UGT1A8: variants seen among roughly 807,000 people sequenced by gnomAD.
The protein encoded by UGT1A8 is UDP glucuronosyltransferase family 1 member A8, also known as UDP-glucuronosyltransferase 1A8.
A neutral mutation model predicts 45.3 loss-of-function variants in UGT1A8; 39 were observed. That is an observed-to-expected ratio of 0.86 (90% CI 0.67 to 1.12). The LOEUF (loss-of-function observed/expected upper bound fraction) is 1.12. Among genes scored for constraint, UGT1A8 ranks in the 50% most tolerant of loss-of-function variants. The pLI is 0.00. For missense variants in UGT1A8, 719 were observed against 664.9 expected (o/e 1.08, Z -0.90); for synonymous variants, 275 against 249.2 (o/e 1.10, Z -0.97).
At chr2:233,674,885 A>G (rs1396441907) in intron 1 of UGT1A8, among the ~76,000 whole-genome samples, 1 of 152,226 alleles carries the variant, frequency 6.6e-6, no homozygotes, top group African/African-American at 2.4e-5. Context: ...TGGACACTTC[A>G]TATTGCTCCT....
rs1259273318 is a variant in UGT1A8, at chr2:233,667,395, AG to A, written c.855+48834del. Among the ~76,000 whole-genome samples the A allele has an allele frequency of 6.0e-4, 92 of 152,368 alleles. 1 individual carries two copies. Among genetic ancestry groups the A allele is most frequent in the African/African-American group, 2.0e-3 (83 of 41,592 alleles). ...CAAAAATTAATTCAAGATGGATTAA[AG>A]ACTTAAATGTTAGACCTTAAACCAT... is the stretch of plus-strand genomic sequence containing the variant. On this transcript the variant is annotated intron_variant, in intron 1 of 4. Transcript: ENST00000373450.
intron 1 of UGT1A8, among the ~76,000 whole-genome samples, chr2:233,694,833 A>C (rs2075242896): frequency 6.6e-6 from 1 of 152,210 alleles, no homozygotes; most frequent in African/African-American, 2.4e-5. Flanking sequence ...AAAACATAGA[A>C]TGTCAGGATT....
rs146825304 is a variant in UGT1A8, at chr2:233,749,948, G to C, written c.856-17086G>C. On this transcript the variant is annotated intron_variant, in intron 1 of 4. Transcript: ENST00000373450. ...AAAGCTCTTTCCTTTATGAATTACC[G>C]AGTCTTGGGTATGTCTTTATAGCAG... 4.8e-3 allele frequency among the ~76,000 whole-genome samples: 734 copies of C among 151,926 alleles called. 7 individuals carry two copies. The highest frequency in any genetic ancestry group is 4.2e-3 in the Non-Finnish European group (283 of 68,018).
At chr2:233,744,781 G>A (rs1479146007) in intron 1 of UGT1A8, among the ~76,000 whole-genome samples, 1 of 151,856 alleles carries the variant, frequency 6.6e-6, no homozygotes, top group Non-Finnish European at 1.5e-5. Context: ...AAATTCTCCT[G>A]AAAAATTCTT....
At chr2:233,713,500 T>C (rs747145131) in intron 1 of UGT1A8, 1 of 1,614,018 alleles carries the variant, frequency 6.2e-7, no homozygotes, top group East Asian at 2.2e-5. Flanking sequence ...ATTCCTGCTG[T>C]GTTTTTCTTG....
rs116377065 is a variant in UGT1A8, at chr2:233,702,706, G to A, written c.856-64328G>A. On this transcript the variant is annotated intron_variant, in intron 1 of 4. Transcript: ENST00000373450. ...TTTGGTTTTGTCAAATGCTTTTTCT[G>A]TGTCTATTGAAATGAACATGGTTTT... Among the ~76,000 whole-genome samples, 823 of 152,190 alleles carry A rather than the reference G, an allele frequency of 5.4e-3. 6 individuals carry two copies. Among genetic ancestry groups the A allele is most frequent in the African/African-American group, 0.019 (783 of 41,530 alleles).
At chr2:233,637,049 A>G (rs534521805) in intron 1 of UGT1A8, 4 of 1,614,010 alleles carry the variant, frequency 2.5e-6, no homozygotes, top group Admixed American at 3.3e-5. Context: ...TTTTGCCACC[A>G]TCTTGAAGAA....
chr2:233,715,569 T>C (rs1403314383), intron 1 of UGT1A8, among the ~76,000 whole-genome samples: 3 of 152,040 alleles, frequency 2.0e-5, no homozygotes, highest in Non-Finnish European at 4.4e-5. Context: ...CCCAGGAGTC[T>C]GAGAGCAGCC....
chr2:233,675,603 T>C (rs1166392817), intron 1 of UGT1A8, among the ~76,000 whole-genome samples: 1 of 152,124 alleles, frequency 6.6e-6, no homozygotes, highest in Non-Finnish European at 1.5e-5. Context: ...GACTAAGGCC[T>C]CCCACTAAAA....
rs781412186 is a variant in UGT1A8, at chr2:233,767,080, T to C, written c.902T>C (p.Val301Ala). 6.2e-7 allele frequency: 1 copy of C among 1,614,096 alleles called. No individual in the cohort carries two copies. Among genetic ancestry groups the C allele is most frequent in the South Asian group, 1.1e-5 (1 of 91,078 alleles). ...INASGEHGIV[V>A]FSLGSMVSEI... The stretch of plus-strand genomic sequence containing the variant: ...GCTTCTGGAGAACATGGAATTGTGG[T>C]TTTCTCTTTGGGATCAATGGTCTCA... The change falls in exon 2 of 5, where the codon GTT becomes GCT. Residue 301 changes from valine (V) to alanine (A), a missense_variant. By Grantham distance (64) the Val-to-Ala change is moderately conservative. Transcript: ENST00000373450.
chr2:233,661,635 C>CTTTA (rs200886254), intron 1 of UGT1A8, among the ~76,000 whole-genome samples: 18 of 82,808 alleles, frequency 2.2e-4, no homozygotes, highest in East Asian at 1.5e-3. Flanking sequence ...TTCTTTCTTT[C>CTTTA]TTTCTTTCTT....
At chr2:233,709,290 A>G (rs1187153561) in intron 1 of UGT1A8, among the ~76,000 whole-genome samples, 1 of 152,124 alleles carries the variant, frequency 6.6e-6, no homozygotes, top group African/African-American at 2.4e-5. Flanking sequence ...CCTTCAATTA[A>G]TGATATTTTC....
intron 1 of UGT1A8, chr2:233,729,105 G>A (rs779665217): frequency 1.9e-6 from 3 of 1,612,662 alleles, no homozygotes; most frequent in East Asian, 4.5e-5. Context: ...TGGACAGTCA[G>A]CTGTCCGTGT....
intron 1 of UGT1A8, among the ~76,000 whole-genome samples, chr2:233,659,660 C>T (rs929382629): frequency 2.0e-5 from 3 of 151,970 alleles, no homozygotes; most frequent in African/African-American, 7.3e-5. Context: ...CAGGCGCACT[C>T]GATTTAACTT....
At chr2:233,663,834 C>A (rs1326338997) in intron 1 of UGT1A8, among the ~76,000 whole-genome samples, 1 of 152,168 alleles carries the variant, frequency 6.6e-6, no homozygotes, top group African/African-American at 2.4e-5. Context: ...CATAATTTTG[C>A]AAAGGCGGTT....
chr2:233,690,950 T>G (rs2075022597), intron 1 of UGT1A8: 1 of 1,011,308 alleles, frequency 9.9e-7, no homozygotes. Context: ...TCATGTTCTG[T>G]AGGGACTTCT....
chr2:233,760,219 C>T (rs2125980617), intron 1 of UGT1A8: 1 of 1,593,340 alleles, frequency 6.3e-7, no homozygotes, highest in Non-Finnish European at 8.5e-7. Flanking sequence ...CTTGGTGTAT[C>T]GATTGGTTTT....
intron 1 of UGT1A8, chr2:233,730,098 T>G: frequency 6.3e-7 from 1 of 1,586,492 alleles, no homozygotes; most frequent in East Asian, 2.3e-5. Flanking sequence ...TTCCAAATAT[T>G]TCATTTCTGC....
chr2:233,744,126 G>T (rs1692701514), intron 1 of UGT1A8: 3 of 357,170 alleles, frequency 8.4e-6, no homozygotes, highest in Admixed American at 7.7e-5. Context: ...GTGAGGCTCT[G>T]TGAGGCCCTG....
Sources: allele counts gnomAD v4.1 joint callset (sites outside exome capture counted in the v4.1 genomes callset), GRCh38; gene constraint gnomAD v4.1.1; transcripts MANE v1.5; gene names NCBI Gene and HGNC (gene_info 2026-07-23, HGNC 2026-07-21).